The following BCL2L13 variants were observed in gnomAD, a reference collection of about 807,000 sequenced individuals.
BCL2L13 encodes the protein bcl-2-like protein 13.
A neutral mutation model predicts 25.8 loss-of-function variants in BCL2L13; 13 were observed. The observed-to-expected ratio is 0.50, with a 90% confidence interval of 0.33 to 0.80. BCL2L13 has a LOEUF of 0.80. BCL2L13 is among the 30% of genes least tolerant of loss of function. The pLI, the probability that BCL2L13 is intolerant of heterozygous loss-of-function variation, is 0.02. For missense variants in BCL2L13, 504 were observed against 574.9 expected (o/e 0.88, Z 1.26); for synonymous variants, 244 against 230.3 (o/e 1.06, Z -0.54).
intron 4 of BCL2L13, 84 bp from the exon 5 acceptor site, chr22:17,696,057 C>A: frequency 1.1e-6 from 1 of 952,206 alleles, no homozygotes; most frequent in South Asian, 1.3e-5. Context: ...AAAAGTTCAA[C>A]AGAGTAGTGA....
chr22:17,633,006 A>G (rs1171145124), intron 1 of BCL2L13, among the ~76,000 whole-genome samples: 3 of 152,106 alleles, frequency 2.0e-5, no homozygotes, highest in African/African-American at 7.2e-5. Flanking sequence ...CACCCGCCTC[A>G]GCCTCCCAGA....
intron 6 of BCL2L13, among the ~76,000 whole-genome samples, chr22:17,710,670 A>C (rs2060727609): frequency 6.6e-6 from 1 of 152,032 alleles, no homozygotes; most frequent in African/African-American, 2.4e-5. Flanking sequence ...AGGTCAGGAG[A>C]TCGAGACCAT....
chr22:17,710,067 T>TAAAAAAA (rs71201876), intron 6 of BCL2L13, among the ~76,000 whole-genome samples: 11 of 91,804 alleles, frequency 1.2e-4, no homozygotes, highest in African/African-American at 3.0e-4. Flanking sequence ...GACCTTGTCT[T>TAAAAAAA]AAAAAAAAAA....
intron 6 of BCL2L13, among the ~76,000 whole-genome samples, chr22:17,721,525 A>ATTTTTT (rs3044620): frequency 1.8e-4 from 22 of 122,774 alleles, no homozygotes; most frequent in Non-Finnish European, 2.2e-4. Flanking sequence ...CTTATAAGAA[A>ATTTTTT]TTTTTTTTTT....
At chr22:17,657,601 T>G (rs1273691378) in intron 2 of BCL2L13, among the ~76,000 whole-genome samples, 1 of 151,866 alleles carries the variant, frequency 6.6e-6, no homozygotes, top group African/African-American at 2.4e-5. Context: ...AACCTCCGCC[T>G]CCTGGGTTCA....
chr22:17,640,028 A>T (rs1283985887), intron 1 of BCL2L13, among the ~76,000 whole-genome samples: 2 of 151,840 alleles, frequency 1.3e-5, no homozygotes, highest in South Asian at 4.1e-4. Context: ...CTAATTTTGT[A>T]TTTTTAGTAG....
At chr22:17,723,338 G>A (rs2061201992) in intron 6 of BCL2L13, among the ~76,000 whole-genome samples, 1 of 152,102 alleles carries the variant, frequency 6.6e-6, no homozygotes, top group Admixed American at 6.5e-5. Flanking sequence ...ATTGTATACT[G>A]CAGTACTGTA....
At chr22:17,640,898 AT>A (rs11443889) in intron 1 of BCL2L13, among the ~76,000 whole-genome samples, 24 of 145,842 alleles carry the variant, frequency 1.6e-4, no homozygotes, top group African/African-American at 4.8e-4. Flanking sequence ...ATATATATAT[AT>A]TTTTTTTTTG....
At chr22:17,648,781 T>C (rs908191084) in intron 1 of BCL2L13, among the ~76,000 whole-genome samples, 57 of 152,174 alleles carry the variant, frequency 3.7e-4, no homozygotes, top group Non-Finnish European at 1.0e-4. Context: ...TCAGGTTTTA[T>C]AAGAAAATTT....
intron 5 of BCL2L13, among the ~76,000 whole-genome samples, chr22:17,697,299 A>G (rs188874564): frequency 7.2e-5 from 11 of 152,220 alleles, no homozygotes; most frequent in Middle Eastern, 3.4e-3. Flanking sequence ...TTAGCTGGGC[A>G]TGGTGGCGCA....
At chr22:17,711,084 C>T (rs1007801847) in intron 6 of BCL2L13, among the ~76,000 whole-genome samples, 3 of 150,886 alleles carry the variant, frequency 2.0e-5, no homozygotes, top group African/African-American at 7.3e-5. Context: ...CGTGGTGGTG[C>T]GGTGGCTCAT....
chr22:17,673,497 A>G (rs1016010778), intron 2 of BCL2L13, among the ~76,000 whole-genome samples: 8 of 149,552 alleles, frequency 5.3e-5, no homozygotes, highest in Non-Finnish European at 1.0e-4. Context: ...GCTCCTGAGT[A>G]GCTGGAACTA....
chr22:17,677,838 T>C (rs530169822), intron 2 of BCL2L13, among the ~76,000 whole-genome samples: 78 of 150,510 alleles, frequency 5.2e-4, no homozygotes, highest in African/African-American at 1.6e-3. Context: ...CGCCATTGCA[T>C]GATCTGGCGA....
intron 1 of BCL2L13, among the ~76,000 whole-genome samples, chr22:17,641,762 C>T (rs1568916557): frequency 6.7e-6 from 1 of 149,912 alleles, no homozygotes; most frequent in Non-Finnish European, 1.5e-5. Context: ...TTTGCCTATT[C>T]TGGAGATTTC....
rs1187245226 is a variant in BCL2L13 at position 17,668,790 on chromosome 22, A to G, written c.121+12958A>G. On this transcript the variant is annotated intron_variant, in intron 2 of 6. Transcript: ENST00000317582. ...TGATCTGTTTTGAGTTAATTTTTAC[A>G]TATGGTTTGAAGTAGGGATTCAGAT... Among the ~76,000 whole-genome samples, 4 of 152,188 alleles carry G rather than the reference A, an allele frequency of 2.6e-5. No individual in the cohort carries two copies. In the East Asian group the frequency reaches 7.7e-4, roughly 29 times the overall value.
chr22:17,641,338 G>C (rs1469304435), intron 1 of BCL2L13, among the ~76,000 whole-genome samples: 1 of 151,926 alleles, frequency 6.6e-6, no homozygotes. Flanking sequence ...AAGAGTTCTT[G>C]TTTAATATAT....
chr22:17,706,744 A>AG (rs761764714), intron 6 of BCL2L13: 1 of 1,351,566 alleles, frequency 7.4e-7, no homozygotes, highest in African/African-American at 1.5e-5. Context: ...CTCCCTCCTC[A>AG]TTCTCTTTTC....
At chr22:17,705,674 T>C (rs2060570070) in intron 6 of BCL2L13, among the ~76,000 whole-genome samples, 1 of 152,166 alleles carries the variant, frequency 6.6e-6, no homozygotes, top group African/African-American at 2.4e-5. Flanking sequence ...CTCCTTAAGA[T>C]ACTGTGTGCT....
rs2587070 is a variant in BCL2L13, at chr22:17,683,229, T to C, written c.137T>C (p.Ile46Thr). 7.6e-4 allele frequency: 1,196 copies of C among 1,568,648 alleles called. 11 individuals are homozygous for C. The African/African-American group carries it at 0.014, about 19-fold the overall frequency. The change falls in exon 3 of 7, where the codon ATA (isoleucine) becomes ACA (threonine). Residue 46 changes from isoleucine (I) to threonine (T), a missense_variant. Physicochemically the swap from Ile to Thr is moderately conservative, Grantham distance 89 (BLOSUM62 -1). Transcript: ENST00000317582. ...TTGCTTTCAGGGGTTCAACTAGATA[T>C]AGCTTCACAATCTCTGGATCAAGAA... ...LSSPQGVQLD[I>T]ASQSLDQEIL...
Sources: allele counts gnomAD v4.1 joint callset (sites outside exome capture counted in the v4.1 genomes callset), GRCh38; gene constraint gnomAD v4.1.1; transcripts MANE v1.5; gene names NCBI Gene and HGNC (gene_info 2026-07-23, HGNC 2026-07-21).